The following RHBDD2 variants were observed in gnomAD, a reference collection of about 807,000 sequenced individuals.
RHBDD2 encodes rhomboid domain-containing protein 2.
RHBDD2 carries 13 observed loss-of-function variants against 21.7 expected under a neutral mutation model. The observed-to-expected ratio is 0.60, with a 90% confidence interval of 0.39 to 0.95. The LOEUF is 0.95. RHBDD2 is among the 40% of genes least tolerant of loss of function. The pLI is 0.00. For synonymous variants in RHBDD2, 225 were observed against 220.0 expected (o/e 1.02, Z -0.20); for missense variants, 473 against 478.9 (o/e 0.99, Z 0.11).
At chr7:75,881,193 AAGG>A (rs1237659378) in intron 1 of RHBDD2, among the ~76,000 whole-genome samples, 3 of 152,168 alleles carry the variant, frequency 2.0e-5, no homozygotes, top group African/African-American at 4.8e-5. Context: ...AAAAAAGGAA[AAGG>A]AGGATTCTTT....
chr7:75,885,412 C>T (rs1181228143), intron 3 of RHBDD2, among the ~76,000 whole-genome samples: 1 of 152,110 alleles, frequency 6.6e-6, no homozygotes, highest in Non-Finnish European at 1.5e-5. Flanking sequence ...CCTCCCTCTC[C>T]CCTGTTCCCA....
rs782387533 is a variant in RHBDD2, at chr7:75,888,176, A to G, written c.922A>G (p.Asn308Asp). The change falls in exon 4 of 4, where the codon AAC (asparagine) becomes GAC (aspartate). Residue 308 changes from asparagine (N) to aspartate (D), a missense_variant. By Grantham distance (23) the Asn-to-Asp change is conservative. Coordinates refer to ENST00000006777, the MANE Select transcript of RHBDD2 (RefSeq NM_001040456.3). ...TGCCTCCGGCCTGTGCTATGTGCAG[A>G]ACCACTTTGGTCCAAACCCCACCTC... is the stretch of plus-strand genomic sequence containing the variant. The part of the protein sequence containing the change: ...QPASGLCYVQ[N>D]HFGPNPTSSS... 4 of 1,613,748 alleles carry G rather than the reference A, an allele frequency of 2.5e-6. No individual in the cohort carries two copies. The African/African-American group carries it at 5.3e-5, about 22-fold the overall frequency.
At position 75,883,744 on chromosome 7, in the gene RHBDD2, A is replaced by G. The variant is rs42183; in HGVS notation, c.633A>G (p.Ala211=). ...CYSIDLSERV[A]LKLDQTFPFS... is the part of the protein sequence containing the mutation. The stretch of plus-strand genomic sequence containing the variant: ...CCATCGACCTCTCAGAGCGAGTGGC[A>G]CTGAAGCTCGATCAGACCTTCCCCT... The change falls in exon 3 of 4, where the codon GCA becomes GCG. Residue 211 remains alanine, a synonymous_variant. Coordinates refer to ENST00000006777, the MANE Select transcript of RHBDD2 (RefSeq NM_001040456.3). The G allele has an allele frequency of 0.96, 1,552,686 of 1,613,706 alleles. 747,303 individuals are homozygous for G. Among genetic ancestry groups the G allele is most frequent in the East Asian group, 1 (44,858 of 44,860 alleles).
At position 75,883,862 on chromosome 7, in the gene RHBDD2, C is replaced by A; in HGVS notation, c.737+14C>A. 6.3e-7 allele frequency: 1 copy of A among 1,577,684 alleles called. No individual in the cohort carries two copies. ...CCAGAGCCGGAAGTAAGTGACAGAA[C>A]TCTTAAGTGCTGTTAAATCTTTTTT... is the stretch of plus-strand genomic sequence containing the variant. On this transcript the variant is annotated intron_variant, in intron 3 of 3. Coordinates refer to ENST00000006777, the MANE Select transcript of RHBDD2 (RefSeq NM_001040456.3).
intron 3 of RHBDD2, among the ~76,000 whole-genome samples, chr7:75,884,441 A>C (rs528409957): frequency 6.6e-6 from 1 of 151,992 alleles, no homozygotes; most frequent in African/African-American, 2.4e-5. Context: ...GGCTGGTCTC[A>C]AACTCCTGGT....
At chr7:75,880,517 A>G (rs936985217) in intron 1 of RHBDD2, among the ~76,000 whole-genome samples, 4 of 152,134 alleles carry the variant, frequency 2.6e-5, no homozygotes, top group East Asian at 1.9e-4. Flanking sequence ...GAAGTCCTCA[A>G]TCTAACTCTT....
Position 75,881,121 on chromosome 7 carries a change from C to A in RHBDD2, c.179-708C>A, listed in dbSNP as rs571735600. On this transcript the variant is annotated intron_variant, in intron 1 of 3. Transcript: ENST00000006777. ...TTCAAGGCAGGAGGATCACTGGAGG[C>A]CAGGAGTTCAAGGCTAGCCTGGGCA... is the stretch of plus-strand genomic sequence containing the variant. Among the ~76,000 whole-genome samples, 114 of 151,868 alleles carry A rather than the reference C, an allele frequency of 7.5e-4. 1 individual carries two copies. Among genetic ancestry groups the A allele is most frequent in the African/African-American group, 2.7e-3 (111 of 41,398 alleles).
At chr7:75,879,489 C>G (rs1191874898) in intron 1 of RHBDD2, among the ~76,000 whole-genome samples, 1 of 152,204 alleles carries the variant, frequency 6.6e-6, no homozygotes, top group East Asian at 1.9e-4. Context: ...TCACTGTAAT[C>G]CCTTCCCTAC....
intron 2 of RHBDD2, 150 bp downstream of exon 2, chr7:75,882,386 G>GA: frequency 1.4e-6 from 1 of 737,642 alleles, no homozygotes; most frequent in East Asian, 2.8e-5. Flanking sequence ...GCAGTGGCAG[G>GA]ATCTCAACTC....
At chr7:75,882,899 C>T (rs191117893) in intron 2 of RHBDD2, among the ~76,000 whole-genome samples, 4 of 152,230 alleles carry the variant, frequency 2.6e-5, no homozygotes, top group East Asian at 3.9e-4. Context: ...TTAGGTCAGA[C>T]GACCAGGATA....
At chr7:75,887,156 T>A (rs1805726163) in intron 3 of RHBDD2, among the ~76,000 whole-genome samples, 1 of 149,474 alleles carries the variant, frequency 6.7e-6, no homozygotes, top group East Asian at 1.9e-4. Flanking sequence ...TTTTTTTTTT[T>A]ACACATGGTC....
rs528860687 is a variant in RHBDD2 at position 75,884,041 on chromosome 7, C to T, written c.737+193C>T. Among the ~76,000 whole-genome samples the T allele has an allele frequency of 1.1e-4, 17 of 151,976 alleles. No homozygotes were observed. The South Asian group carries it at 3.5e-3, about 32-fold the overall frequency. On this transcript the variant is annotated intron_variant, in intron 3 of 3. Coordinates refer to ENST00000006777, the MANE Select transcript of RHBDD2 (RefSeq NM_001040456.3). ...CTCAGTGTCTGGGATTACAGGTGCC[C>T]ACCACTACATCCAGCTAATTTTTTT...
In RHBDD2 at chr7:75,885,118, GAAA is replaced by G. The variant is rs113612856; in HGVS notation, c.737+1285_737+1287del. Reference sequence around the variant, plus strand: ...GACAGAGCAAGACACTGTCTCCCAAGAAAAAAAAAAAAAAAAAGGTGCAGACAG... The same window carrying G: ...GACAGAGCAAGACACTGTCTCCCAAGAAAAAAAAAAAAAAGGTGCAGACAG... On this transcript the variant is annotated intron_variant, in intron 3 of 3. Transcript: ENST00000006777. Among the ~76,000 whole-genome samples, 29 of 99,618 alleles carry G rather than the reference GAAA, an allele frequency of 2.9e-4. No individual in the cohort carries two copies. In the Admixed American group the frequency reaches 3.0e-3, roughly 10 times the overall value. 65.4% of individuals were successfully genotyped at this position (99,618 alleles called of 152,430 possible).
intron 3 of RHBDD2, among the ~76,000 whole-genome samples, chr7:75,884,049 C>T (rs1356478571): frequency 6.6e-6 from 1 of 151,970 alleles, no homozygotes; most frequent in Non-Finnish European, 1.5e-5. Context: ...CCCACCACTA[C>T]ATCCAGCTAA....
At chr7:75,881,225 A>T (rs533348476) in intron 1 of RHBDD2, 1 of 634,348 alleles carries the variant, frequency 1.6e-6, no homozygotes, top group Admixed American at 2.5e-5. Flanking sequence ...ATTACATATA[A>T]AGCATCAGTT....
At chr7:75,885,378 G>A (rs1446212512) in intron 3 of RHBDD2, among the ~76,000 whole-genome samples, 1 of 151,984 alleles carries the variant, frequency 6.6e-6, no homozygotes, top group Non-Finnish European at 1.5e-5. Context: ...CTGGAAGCAC[G>A]TCCCCTGCTT....
chr7:75,881,608 A>G, intron 1 of RHBDD2: 1 of 1,139,142 alleles, frequency 8.8e-7, no homozygotes, highest in Non-Finnish European at 1.2e-6. Context: ...GAGTTGCACC[A>G]GGCCTGGGGA....
intron 1 of RHBDD2, chr7:75,881,587 GT>G (rs1805325815): frequency 2.3e-6 from 3 of 1,280,194 alleles, no homozygotes; most frequent in Non-Finnish European, 2.1e-6. Flanking sequence ...CTGGAAGTCA[GT>G]TACCGCTAAG....
At position 75,888,458 on chromosome 7, in the gene RHBDD2, G is replaced by A. The variant is rs781957593; in HGVS notation, c.*109G>A. 4.4e-6 allele frequency: 4 copies of A among 900,576 alleles called. No homozygotes were observed. Among genetic ancestry groups the A allele is most frequent in the Non-Finnish European group, 6.9e-6 (4 of 578,786 alleles). 55.8% of individuals were successfully genotyped at this position (900,576 alleles called of 1,614,324 possible). A position where few individuals can be genotyped will look rare whatever the true frequency, so the allele number is the denominator to read the frequency against. On this transcript the variant is annotated 3_prime_UTR_variant, in exon 4 of 4. Transcript: ENST00000006777. ...CTCTATGTGCCAGGCTCTGTGTTGG[G>A]TACTTTGATCAATGCCCCTGTTTCA...
Sources: allele counts gnomAD v4.1 joint callset (sites outside exome capture counted in the v4.1 genomes callset), GRCh38; gene constraint gnomAD v4.1.1; transcripts MANE v1.5; gene names NCBI Gene and HGNC (gene_info 2026-07-23, HGNC 2026-07-21).